Variants in STAG1 observed in about 807,000 individuals in gnomAD.
STAG1 encodes cohesin subunit SA-1.
STAG1 carries 26 observed loss-of-function variants against 170.9 expected under a neutral mutation model. The observed-to-expected ratio is 0.15, with a 90% CI of 0.11 to 0.21. STAG1 has a LOEUF of 0.21. Ranked by LOEUF, STAG1 falls within the 10% of genes least tolerant of loss-of-function variation. STAG1 has a pLI of 1.00. For missense variants in STAG1, 964 were observed against 1,509.5 expected (o/e 0.64, Z 5.99); for synonymous variants, 514 against 497.7 (o/e 1.03, Z -0.44).
Position 136,679,109 on chromosome 3 carries a change from C to T in STAG1, c.-83-48128G>A, listed in dbSNP as rs571895305. ...GAGACATAATGTTACACCTATTGGG[C>T]TGGCAAACTTAAAAAGTTACAGCCC... On this transcript the variant is annotated intron_variant, in intron 1 of 33. Coordinates refer to ENST00000383202, the MANE Select transcript of STAG1 (RefSeq NM_005862.3). 5.3e-5 allele frequency among the ~76,000 whole-genome samples: 8 copies of T among 152,120 alleles called. No homozygotes were observed. In the East Asian group the frequency reaches 1.5e-3, roughly 29 times the overall value.
intron 13 of STAG1, among the ~76,000 whole-genome samples, chr3:136,458,028 C>G (rs1399069746): frequency 6.6e-6 from 1 of 152,112 alleles, no homozygotes; most frequent in African/African-American, 2.4e-5. Context: ...AATTGAAACA[C>G]AGAAAAGCCA....
At chr3:136,533,797 C>G (rs182280384) in intron 6 of STAG1, among the ~76,000 whole-genome samples, 1 of 152,108 alleles carries the variant, frequency 6.6e-6, no homozygotes, top group Admixed American at 6.6e-5. Flanking sequence ...TATCAATGAC[C>G]ATACTGTCAA....
At chr3:136,700,566 C>A (rs1042380677) in intron 1 of STAG1, among the ~76,000 whole-genome samples, 2 of 151,786 alleles carry the variant, frequency 1.3e-5, no homozygotes, top group Non-Finnish European at 2.9e-5. Flanking sequence ...ATTACAGGTG[C>A]CCGCTACCAC....
chr3:136,648,790 CTAA>C (rs1941118328), intron 1 of STAG1, among the ~76,000 whole-genome samples: 1 of 152,014 alleles, frequency 6.6e-6, no homozygotes, highest in East Asian at 1.9e-4. Flanking sequence ...TTATACTGTC[CTAA>C]TAAATAAACG....
Position 136,558,509 on chromosome 3 carries a change from T to C in STAG1, c.394+10256A>G, listed in dbSNP as rs142654136. Among the ~76,000 whole-genome samples, 436 of 152,384 alleles carry C rather than the reference T, an allele frequency of 2.9e-3. 1 individual carries two copies. Among genetic ancestry groups the C allele is most frequent in the Middle Eastern group, 0.02 (6 of 294 alleles). Reference sequence around the variant, plus strand: ...GCAAGAGAAAATTCTCATGGTTAACTGTTATGTGAAAAAGTAGTCCATCTC... The same window carrying C: ...GCAAGAGAAAATTCTCATGGTTAACCGTTATGTGAAAAAGTAGTCCATCTC... On this transcript the variant is annotated intron_variant, in intron 5 of 33. Coordinates refer to ENST00000383202, the MANE Select transcript of STAG1 (RefSeq NM_005862.3).
chr3:136,413,009 C>T (rs1355387215), intron 21 of STAG1, among the ~76,000 whole-genome samples: 7 of 151,152 alleles, frequency 4.6e-5, no homozygotes, highest in African/African-American at 1.7e-4. Flanking sequence ...ATTACAGGGA[C>T]GTGCCACCAC....
intron 4 of STAG1, among the ~76,000 whole-genome samples, chr3:136,585,863 T>C (rs1439082809): frequency 6.6e-6 from 1 of 152,166 alleles, no homozygotes; most frequent in Admixed American, 6.5e-5. Context: ...TGGAAACAAA[T>C]TGTGAATTAG....
At chr3:136,613,295 C>G (rs558136877) in intron 3 of STAG1, among the ~76,000 whole-genome samples, 1 of 97,416 alleles carries the variant, frequency 1.0e-5, no homozygotes, top group Non-Finnish European at 1.8e-5. Context: ...ACAAAGTGAA[C>G]AGAGTGAGAC....
chr3:136,674,190 G>GGAAGGAGGGAGGGAGA (rs1942066696), intron 1 of STAG1, among the ~76,000 whole-genome samples: 3 of 121,784 alleles, frequency 2.5e-5, no homozygotes, highest in Non-Finnish European at 5.1e-5. Context: ...AGGGAGGGAG[G>GGAAGGAGGGAGGGAGA]GAAGGAGGGA....
chr3:136,611,567 C>A (rs1188721898), intron 3 of STAG1, among the ~76,000 whole-genome samples: 1 of 151,684 alleles, frequency 6.6e-6, no homozygotes, highest in Non-Finnish European at 1.5e-5. Context: ...ACGATCACAG[C>A]TCACTGCAAC....
intron 4 of STAG1, among the ~76,000 whole-genome samples, chr3:136,575,887 GTC>G (rs1364294541): frequency 1.3e-5 from 2 of 152,304 alleles, no homozygotes; most frequent in South Asian, 2.1e-4. Flanking sequence ...GAGAAATGGA[GTC>G]TCTGTTTGCC....
intron 3 of STAG1, among the ~76,000 whole-genome samples, chr3:136,609,791 C>G (rs532423701): frequency 2.0e-5 from 3 of 152,184 alleles, no homozygotes; most frequent in Admixed American, 2.0e-4. Context: ...TGAAATCATT[C>G]ACTGGTTATC....
chr3:136,714,783 C>A (rs1303225731), intron 1 of STAG1, among the ~76,000 whole-genome samples: 3 of 149,080 alleles, frequency 2.0e-5, no homozygotes, highest in African/African-American at 7.4e-5. Context: ...GTGGCACATG[C>A]CTATATTCTC....
chr3:136,453,585 T>C (rs774124377), intron 13 of STAG1, among the ~76,000 whole-genome samples: 19 of 134,448 alleles, frequency 1.4e-4, no homozygotes, highest in Non-Finnish European at 2.3e-4. Context: ...AGCGAGACTA[T>C]GTCTCAAAAA....
At chr3:136,476,856 G>C (rs2089763729) in intron 10 of STAG1, among the ~76,000 whole-genome samples, 1 of 152,030 alleles carries the variant, frequency 6.6e-6, no homozygotes. Context: ...GGCAGAATTA[G>C]ATTTTTAGAT....
At chr3:136,451,064 A>T (rs2088923583) in intron 14 of STAG1, among the ~76,000 whole-genome samples, 1 of 151,978 alleles carries the variant, frequency 6.6e-6, no homozygotes, top group Non-Finnish European at 1.5e-5. Flanking sequence ...CTCTATTTTC[A>T]AGCATTTCTA....
chr3:136,471,483 T>C (rs2089627298), intron 12 of STAG1, among the ~76,000 whole-genome samples: 2 of 152,116 alleles, frequency 1.3e-5, no homozygotes, highest in Non-Finnish European at 2.9e-5. Context: ...ACATATATTA[T>C]AAAGCCACAA....
intron 13 of STAG1, among the ~76,000 whole-genome samples, chr3:136,456,562 G>A (rs1002757056): frequency 1.5e-4 from 23 of 152,106 alleles, no homozygotes; most frequent in African/African-American, 3.9e-4. Flanking sequence ...CAAAGGAGAC[G>A]AGAGAGAAAA....
intron 28 of STAG1, among the ~76,000 whole-genome samples, chr3:136,353,642 G>C (rs967784785): frequency 5.9e-5 from 9 of 152,184 alleles, no homozygotes; most frequent in Non-Finnish European, 1.2e-4. Flanking sequence ...CTGGGCTCAA[G>C]CAATCTTCCT....
Sources: allele counts gnomAD v4.1 joint callset (sites outside exome capture counted in the v4.1 genomes callset), GRCh38; gene constraint gnomAD v4.1.1; transcripts MANE v1.5; gene names NCBI Gene and HGNC (gene_info 2026-07-23, HGNC 2026-07-21).